The following SLC44A5 variants were observed in gnomAD, a reference collection of about 807,000 sequenced individuals.
The protein encoded by SLC44A5 is choline transporter-like protein 5.
SLC44A5 carries 57 observed loss-of-function variants against 101.8 expected under a neutral mutation model. The observed-to-expected ratio is 0.56, with a 90% CI of 0.45 to 0.70. The LOEUF is 0.70. SLC44A5 is among the 30% of genes least tolerant of loss of function. The pLI is 0.00. For synonymous variants in SLC44A5, 281 were observed against 290.9 expected (o/e 0.97, Z 0.35); for missense variants, 737 against 853.1 (o/e 0.86, Z 1.70).
At chr1:75,573,127 CAAAAAAAA>C (rs745593621) in intron 1 of SLC44A5, among the ~76,000 whole-genome samples, 1 of 16,712 alleles carries the variant, frequency 6.0e-5, no homozygotes, top group African/African-American at 2.5e-4. Flanking sequence ...GGCTCCATCT[CAAAAAAAA>C]AAAAAAAAAA....
At chr1:75,528,078 C>T (rs1463462988) in intron 2 of SLC44A5, among the ~76,000 whole-genome samples, 1 of 152,154 alleles carries the variant, frequency 6.6e-6, no homozygotes, top group South Asian at 2.1e-4. Flanking sequence ...GCCTCCTTCC[C>T]TCTGGGAACA....
At chr1:75,647,418 G>T in the SLC44A5 span, among the ~76,000 whole-genome samples, 1 of 152,152 alleles carries the variant, frequency 6.6e-6, no homozygotes, top group African/African-American at 2.4e-5. Context: ...GGAAATGTGG[G>T]GTCAGAGCCC....
chr1:75,371,297 A>G (rs1036049614), intron 3 of SLC44A5, among the ~76,000 whole-genome samples: 2 of 152,262 alleles, frequency 1.3e-5, no homozygotes, highest in Non-Finnish European at 2.9e-5. Context: ...GTTTATCTGC[A>G]CAAGTTACTT....
chr1:75,373,155 A>G (rs755626106), intron 3 of SLC44A5, among the ~76,000 whole-genome samples: 2 of 152,204 alleles, frequency 1.3e-5, no homozygotes, highest in Non-Finnish European at 2.9e-5. Flanking sequence ...CAGCTGGGAA[A>G]GGCCTCCCTC....
At chr1:75,681,933 C>T in the SLC44A5 span, among the ~76,000 whole-genome samples, 1 of 152,126 alleles carries the variant, frequency 6.6e-6, no homozygotes, top group Admixed American at 6.6e-5. Context: ...AATCAATGTG[C>T]AAAAATCACA....
At chr1:75,422,400 G>A (rs74089237) in intron 2 of SLC44A5, among the ~76,000 whole-genome samples, 2 of 152,136 alleles carry the variant, frequency 1.3e-5, no homozygotes, top group African/African-American at 2.4e-5. Context: ...TTACAAGTCC[G>A]CAGTGAATAA....
intron 4 of SLC44A5, among the ~76,000 whole-genome samples, chr1:75,335,657 T>G (rs1460069195): frequency 6.6e-6 from 1 of 152,206 alleles, no homozygotes. Flanking sequence ...GTTAATAGAT[T>G]GAATAAATGT....
chr1:75,671,711 GA>G, the SLC44A5 span, among the ~76,000 whole-genome samples: 6 of 152,162 alleles, frequency 3.9e-5, no homozygotes, highest in Non-Finnish European at 1.5e-5. Flanking sequence ...GAGTGCAGTA[GA>G]AAGAGAGTCA....
chr1:75,653,455 C>T, the SLC44A5 span, among the ~76,000 whole-genome samples: 1 of 152,156 alleles, frequency 6.6e-6, no homozygotes, highest in African/African-American at 2.4e-5. Flanking sequence ...GCACTCAAGC[C>T]TGGGCGACAG....
intron 5 of SLC44A5, 111 bp downstream of exon 5, chr1:75,300,501 G>A (rs623850): frequency 0.58 from 341,137 of 591,130 alleles, 101,116 homozygotes; most frequent in East Asian, 0.84. Context: ...AAAGACAACA[G>A]TCAATAATAG....
intron 1 of SLC44A5, among the ~76,000 whole-genome samples, chr1:75,542,139 AT>A (rs1671386188): frequency 6.6e-6 from 1 of 152,038 alleles, no homozygotes; most frequent in Admixed American, 6.6e-5. Flanking sequence ...TCCTTGCAGC[AT>A]TTTTTTCTAT....
At chr1:75,675,466 T>A in the SLC44A5 span, among the ~76,000 whole-genome samples, 1 of 152,192 alleles carries the variant, frequency 6.6e-6, no homozygotes, top group South Asian at 2.1e-4. Context: ...TGATTTTGTA[T>A]CCTGAGACTT....
chr1:75,560,345 C>G (rs557755651), intron 1 of SLC44A5, among the ~76,000 whole-genome samples: 1 of 152,006 alleles, frequency 6.6e-6, no homozygotes, highest in Non-Finnish European at 1.5e-5. Flanking sequence ...TAATATTTAG[C>G]CACTAAAAGT....
At chr1:75,573,860 T>A (rs1239889617) in intron 1 of SLC44A5, among the ~76,000 whole-genome samples, 1 of 152,146 alleles carries the variant, frequency 6.6e-6, no homozygotes, top group Admixed American at 6.6e-5. Flanking sequence ...TTAAGAAACA[T>A]GTACAATGTT....
At position 75,599,986 on chromosome 1, in the gene SLC44A5, A is replaced by G. The variant is rs184626193; in HGVS notation, c.-70+11054T>C. 2.0e-5 allele frequency among the ~76,000 whole-genome samples: 3 copies of G among 152,302 alleles called. No homozygotes were observed. The East Asian group carries it at 5.8e-4, about 29-fold the overall frequency. Reference sequence around the variant, plus strand: ...AGATTTGTCTTTCAGGAGTGTCATAAGTGCAGGAGTTTCTTAATTGCAGTA... The same window carrying G: ...AGATTTGTCTTTCAGGAGTGTCATAGGTGCAGGAGTTTCTTAATTGCAGTA... On this transcript the variant is annotated intron_variant, in intron 1 of 23. Transcript: ENST00000370859.
chr1:75,404,169 G>A (rs952085881), intron 2 of SLC44A5, among the ~76,000 whole-genome samples: 1 of 151,968 alleles, frequency 6.6e-6, no homozygotes, highest in Non-Finnish European at 1.5e-5. Flanking sequence ...GAAGAGGAAT[G>A]AACAAAGCCT....
the SLC44A5 span, among the ~76,000 whole-genome samples, chr1:75,675,516 A>G: frequency 0.016 from 2,389 of 152,298 alleles, 70 homozygotes; most frequent in African/African-American, 0.053. Flanking sequence ...TTTTGGACTG[A>G]GACGATCACT....
chr1:75,691,469 G>A, the SLC44A5 span, among the ~76,000 whole-genome samples: 1 of 152,194 alleles, frequency 6.6e-6, no homozygotes, highest in Non-Finnish European at 1.5e-5. Context: ...TTCCCTGGAA[G>A]CAGAGCTTGA....
intron 2 of SLC44A5, among the ~76,000 whole-genome samples, chr1:75,506,095 T>A (rs755653724): frequency 3.3e-5 from 5 of 152,180 alleles, no homozygotes; most frequent in Admixed American, 6.5e-5. Flanking sequence ...CAGTACCATT[T>A]ATTGAATAGG....
Sources: allele counts gnomAD v4.1 joint callset (sites outside exome capture counted in the v4.1 genomes callset), GRCh38; gene constraint gnomAD v4.1.1; transcripts MANE v1.5; gene names NCBI Gene and HGNC (gene_info 2026-07-23, HGNC 2026-07-21).